Variants in CACNA2D3 observed in about 807,000 individuals in gnomAD.
CACNA2D3 encodes the protein calcium voltage-gated channel auxiliary subunit alpha2delta 3.
In CACNA2D3, 60 loss-of-function variants were observed where a neutral mutation model predicts 160.6. The observed-to-expected ratio is 0.37, with a 90% CI of 0.30 to 0.46. The LOEUF is 0.46. Among genes scored for constraint, CACNA2D3 ranks in the 20% least tolerant of loss-of-function variants. The pLI is 1.00. For missense variants in CACNA2D3, 1,205 were observed against 1,365.0 expected (o/e 0.88, Z 1.85); for synonymous variants, 558 against 492.9 (o/e 1.13, Z -1.75).
chr3:54,896,711 G>A (rs1282510638), intron 25 of CACNA2D3, 38 bp from the exon 26 acceptor site: 12 of 1,613,818 alleles, frequency 7.4e-6, no homozygotes, highest in Non-Finnish European at 9.3e-6. Context: ...TTACTCTGCT[G>A]AGTGATGCAT....
intron 9 of CACNA2D3, among the ~76,000 whole-genome samples, chr3:54,600,177 T>A (rs1340764327): frequency 6.6e-6 from 1 of 152,120 alleles, no homozygotes; most frequent in African/African-American, 2.4e-5. Flanking sequence ...TGAAATGGCT[T>A]GGGTAGAAGG....
chr3:54,684,751 A>G (rs1045065889), intron 11 of CACNA2D3, among the ~76,000 whole-genome samples: 18 of 46,118 alleles, frequency 3.9e-4, no homozygotes, highest in Non-Finnish European at 4.6e-4. Context: ...AACGTTTGTC[A>G]TGTTAAAAAA....
intron 3 of CACNA2D3, among the ~76,000 whole-genome samples, chr3:54,353,766 T>C (rs1420856468): frequency 6.6e-6 from 1 of 152,144 alleles, no homozygotes; most frequent in African/African-American, 2.4e-5. Context: ...CCAAGCCATC[T>C]CCCTGCAGAC....
At chr3:54,397,737 G>T (rs1699382699) in intron 4 of CACNA2D3, among the ~76,000 whole-genome samples, 2 of 28,432 alleles carry the variant, frequency 7.0e-5, no homozygotes, top group Non-Finnish European at 6.2e-5. Context: ...TTACTTCCAA[G>T]TATGTGGTCA....
chr3:54,990,270 C>G (rs892789168), intron 31 of CACNA2D3, among the ~76,000 whole-genome samples: 6 of 152,168 alleles, frequency 3.9e-5, no homozygotes, highest in Admixed American at 3.9e-4. Context: ...GTGGCTCACG[C>G]CTGTAATCCC....
At chr3:54,461,490 C>A (rs1700503432) in intron 4 of CACNA2D3, among the ~76,000 whole-genome samples, 1 of 151,352 alleles carries the variant, frequency 6.6e-6, no homozygotes, top group Non-Finnish European at 1.5e-5. Context: ...CAACTTCTTC[C>A]TGGTTTAGTC....
intron 3 of CACNA2D3, among the ~76,000 whole-genome samples, chr3:54,331,358 C>G (rs1450494286): frequency 6.6e-6 from 1 of 152,156 alleles, no homozygotes; most frequent in Non-Finnish European, 1.5e-5. Context: ...ATTTGCTACT[C>G]TGGCCCCAAG....
intron 2 of CACNA2D3, among the ~76,000 whole-genome samples, chr3:54,201,302 G>T (rs896186484): frequency 2.6e-5 from 4 of 152,148 alleles, no homozygotes; most frequent in African/African-American, 9.7e-5. Context: ...TTCGAAAAGT[G>T]CTGAATATTG....
At chr3:55,021,969 C>G (rs1489726116) in intron 35 of CACNA2D3, among the ~76,000 whole-genome samples, 2 of 151,966 alleles carry the variant, frequency 1.3e-5, no homozygotes, top group African/African-American at 2.4e-5. Context: ...GTTACATTCT[C>G]TAATAGCTGG....
At chr3:54,554,312 T>C (rs980422912) in intron 5 of CACNA2D3, among the ~76,000 whole-genome samples, 5 of 152,196 alleles carry the variant, frequency 3.3e-5, no homozygotes, top group African/African-American at 1.2e-4. Context: ...GTTTCTCTCC[T>C]CATACTGAAA....
intron 13 of CACNA2D3, among the ~76,000 whole-genome samples, chr3:54,809,746 C>T (rs1703249706): frequency 1.3e-5 from 2 of 150,814 alleles, no homozygotes; most frequent in South Asian, 2.1e-4. Context: ...TTTTTCTCTC[C>T]CTCCCTCCCT....
intron 4 of CACNA2D3, among the ~76,000 whole-genome samples, chr3:54,449,847 C>T (rs879332343): frequency 1.3e-5 from 2 of 152,186 alleles, no homozygotes; most frequent in African/African-American, 4.8e-5. Flanking sequence ...AACCTCTTTT[C>T]TTATAACTTA....
chr3:54,928,931 T>C (rs1482238898), intron 27 of CACNA2D3, among the ~76,000 whole-genome samples: 1 of 152,150 alleles, frequency 6.6e-6, no homozygotes, highest in Non-Finnish European at 1.5e-5. Flanking sequence ...TGGAACCGTT[T>C]CTTTGAATGT....
chr3:54,404,433 C>G (rs1699533172), intron 4 of CACNA2D3, among the ~76,000 whole-genome samples: 1 of 152,118 alleles, frequency 6.6e-6, no homozygotes, highest in African/African-American at 2.4e-5. Flanking sequence ...AGTTCAACAT[C>G]CTTTCTTGAT....
At chr3:54,573,104 C>T (rs560495505) in intron 8 of CACNA2D3, among the ~76,000 whole-genome samples, 1 of 152,266 alleles carries the variant, frequency 6.6e-6, no homozygotes, top group Non-Finnish European at 1.5e-5. Flanking sequence ...TTAAAGATCC[C>T]ATTAACCCTC....
intron 11 of CACNA2D3, among the ~76,000 whole-genome samples, chr3:54,660,381 C>T (rs556527640): frequency 2.0e-5 from 3 of 152,154 alleles, no homozygotes; most frequent in South Asian, 2.1e-4. Flanking sequence ...AGGGTGGTCT[C>T]GATCTCCTGA....
chr3:54,867,528 T>TAAAAAA (rs10663088), intron 17 of CACNA2D3, among the ~76,000 whole-genome samples: 1 of 137,932 alleles, frequency 7.2e-6, no homozygotes, highest in Admixed American at 7.2e-5. Context: ...AAGCCAGCTT[T>TAAAAAA]AAAAAAAAAA....
chr3:54,827,873 C>T (rs1703780463), intron 14 of CACNA2D3, among the ~76,000 whole-genome samples: 1 of 152,180 alleles, frequency 6.6e-6, no homozygotes, highest in Non-Finnish European at 1.5e-5. Context: ...GTGCTAAATG[C>T]CGTGGATGAA....
At chr3:54,123,155 T>G (rs1699509882) in intron 1 of CACNA2D3, among the ~76,000 whole-genome samples, 2 of 120,938 alleles carry the variant, frequency 1.7e-5, no homozygotes, top group African/African-American at 2.8e-5. Context: ...CCCCACTTCT[T>G]TTTTTGGGGG....
Sources: gnomAD v4.1 joint callset for allele counts (sites outside exome capture counted in the v4.1 genomes callset) on GRCh38, gnomAD v4.1.1 for gene constraint, MANE v1.5 for transcripts, NCBI Gene and HGNC (gene_info 2026-07-23, HGNC 2026-07-21) for gene names.